The following MACROD2 variants were observed in gnomAD, a reference collection of about 807,000 sequenced individuals.
MACROD2 encodes the protein ADP-ribose glycohydrolase MACROD2.
Under a neutral mutation model 70.4 loss-of-function variants are expected in MACROD2, and 36 were observed. That is an observed-to-expected ratio of 0.51 (90% confidence interval 0.39 to 0.68). The LOEUF (loss-of-function observed/expected upper bound fraction) is 0.68. Ranked by LOEUF, MACROD2 falls within the 30% of genes least tolerant of loss-of-function variation. MACROD2 has a pLI of 0.00. For synonymous variants in MACROD2, 172 were observed against 178.8 expected, an observed-to-expected ratio of 0.96 and a Z score of 0.30; for missense variants, 496 against 538.4, an observed-to-expected ratio of 0.92 and a Z score of 0.78.
At chr20:15,698,707 T>C (rs1014311363) in intron 8 of MACROD2, among the ~76,000 whole-genome samples, 2 of 152,166 alleles carry the variant, frequency 1.3e-5, no homozygotes, top group African/African-American at 4.8e-5. Flanking sequence ...TCAGGAACAC[T>C]GATTATTCTT....
intron 3 of MACROD2, among the ~76,000 whole-genome samples, chr20:14,148,094 A>G (rs1000098718): frequency 3.9e-5 from 6 of 152,232 alleles, no homozygotes; most frequent in Admixed American, 6.5e-5. Flanking sequence ...ATTAGAATTA[A>G]GGTAATAGTA....
At chr20:14,539,916 G>A (rs899016764) in intron 4 of MACROD2, among the ~76,000 whole-genome samples, 5 of 152,146 alleles carry the variant, frequency 3.3e-5, no homozygotes, top group East Asian at 1.9e-4. Flanking sequence ...GCTGTGGCCC[G>A]TTCCTGGATG....
intron 5 of MACROD2, among the ~76,000 whole-genome samples, chr20:14,788,762 T>TG (rs1440687284): frequency 2.0e-5 from 2 of 100,644 alleles, no homozygotes; most frequent in African/African-American, 3.7e-5. Context: ...CTAGTGGTGG[T>TG]GTTTTTTTTT....
chr20:15,052,042 C>A (rs866580971), intron 5 of MACROD2, among the ~76,000 whole-genome samples: 1 of 152,154 alleles, frequency 6.6e-6, no homozygotes, highest in Non-Finnish European at 1.5e-5. Flanking sequence ...TAAGCCACTG[C>A]GCCCGGCCGG....
chr20:15,257,983 G>A (rs141312098), intron 6 of MACROD2, among the ~76,000 whole-genome samples: 1 of 151,760 alleles, frequency 6.6e-6, no homozygotes, highest in Non-Finnish European at 1.5e-5. Flanking sequence ...CCTGACTTCT[G>A]TGTAGGCCTA....
intron 6 of MACROD2, among the ~76,000 whole-genome samples, chr20:15,336,509 C>T (rs1272365831): frequency 6.6e-6 from 1 of 151,662 alleles, no homozygotes; most frequent in East Asian, 1.9e-4. Context: ...TGCACCCTCT[C>T]ATCTCTTTCT....
chr20:15,305,120 C>T (rs1363639543), intron 6 of MACROD2, among the ~76,000 whole-genome samples: 1 of 152,216 alleles, frequency 6.6e-6, no homozygotes, highest in African/African-American at 2.4e-5. Flanking sequence ...AATCACAGCA[C>T]TAACTCCATG....
intron 6 of MACROD2, among the ~76,000 whole-genome samples, chr20:15,276,018 C>A (rs1290933526): frequency 6.6e-6 from 1 of 152,140 alleles, no homozygotes; most frequent in Non-Finnish European, 1.5e-5. Flanking sequence ...GGTCATTAAT[C>A]AATACGGGAT....
chr20:15,303,230 A>G (rs1202009356), intron 6 of MACROD2, among the ~76,000 whole-genome samples: 1 of 152,160 alleles, frequency 6.6e-6, no homozygotes, highest in East Asian at 1.9e-4. Context: ...TAAAAGACCA[A>G]TTTGAACCTC....
At position 14,548,515 on chromosome 20, in the gene MACROD2, G is replaced by A. The variant is rs1177708108; in HGVS notation, c.301+55007G>A. Among the ~76,000 whole-genome samples the A allele has an allele frequency of 6.2e-4, 40 of 64,966 alleles. 18 individuals carry two copies. The East Asian group carries it at 0.061, about 99-fold the overall frequency. 42.6% of individuals were successfully genotyped at this position (64,966 alleles called of 152,430 possible). On this transcript the variant is annotated intron_variant, in intron 4 of 17. Coordinates refer to ENST00000684519, the MANE Select transcript of MACROD2 (RefSeq NM_001351661.2). Reference sequence around the variant, plus strand: ...GGGCGGATCACGAGGTCAGGAGATCGAGACCATCCCGGCTAAAACGGTGAA... The same window carrying A: ...GGGCGGATCACGAGGTCAGGAGATCAAGACCATCCCGGCTAAAACGGTGAA...
chr20:14,935,840 T>C (rs2074336013), intron 5 of MACROD2, among the ~76,000 whole-genome samples: 1 of 152,226 alleles, frequency 6.6e-6, no homozygotes, highest in South Asian at 2.1e-4. Flanking sequence ...ACTTTTGCAT[T>C]AATTTTACTA....
intron 2 of MACROD2, among the ~76,000 whole-genome samples, chr20:14,028,832 G>A (rs907191881): frequency 5.3e-5 from 8 of 152,128 alleles, no homozygotes; most frequent in African/African-American, 1.2e-4. Context: ...GCTGCAGACC[G>A]GAGCTGTTCC....
chr20:15,196,763 A>C (rs1300511875), intron 5 of MACROD2: 6 of 490,258 alleles, frequency 1.2e-5, no homozygotes, highest in African/African-American at 2.1e-5. Context: ...TATGTACTTG[A>C]AATCAGGAAG....
Position 14,078,753 on chromosome 20 carries a change from G to C in MACROD2, c.164-6868G>C, listed in dbSNP as rs571913560. 3.3e-5 allele frequency among the ~76,000 whole-genome samples: 5 copies of C among 152,222 alleles called. No individual in the cohort carries two copies. In the East Asian group the frequency reaches 9.6e-4, roughly 29 times the overall value. On this transcript the variant is annotated intron_variant, in intron 2 of 17. Coordinates refer to ENST00000684519, the MANE Select transcript of MACROD2 (RefSeq NM_001351661.2). The stretch of plus-strand genomic sequence containing the variant: ...GGACTGACCTTGAGATTTCCCATAG[G>C]TCCCCTGGAAAATGTCAAAGGATTT...
chr20:15,687,014 T>C (rs1471369469), intron 8 of MACROD2, among the ~76,000 whole-genome samples: 1 of 149,990 alleles, frequency 6.7e-6, no homozygotes, highest in Non-Finnish European at 1.5e-5. Flanking sequence ...TTTCTTTTTT[T>C]TTTGCATTTT....
At chr20:15,205,223 G>T (rs971792844) in intron 5 of MACROD2, among the ~76,000 whole-genome samples, 3 of 152,088 alleles carry the variant, frequency 2.0e-5, no homozygotes, top group Non-Finnish European at 4.4e-5. Context: ...CTAGACAGAA[G>T]ACTCCCATAG....
intron 15 of MACROD2, among the ~76,000 whole-genome samples, chr20:16,031,881 A>C (rs572855646): frequency 8.7e-4 from 133 of 152,246 alleles, no homozygotes; most frequent in Non-Finnish European, 1.6e-3. Context: ...AGAGGGTATG[A>C]AGTAGGGCAA....
chr20:14,586,078 C>G (rs888395578), intron 4 of MACROD2, among the ~76,000 whole-genome samples: 2 of 151,982 alleles, frequency 1.3e-5, no homozygotes, highest in African/African-American at 4.8e-5. Context: ...TGTTTTAATT[C>G]TTTACATTTT....
intron 5 of MACROD2, among the ~76,000 whole-genome samples, chr20:15,001,679 G>T (rs1281876013): frequency 6.6e-6 from 1 of 151,936 alleles, no homozygotes; most frequent in African/African-American, 2.4e-5. Context: ...TGATAATGAG[G>T]TCTAGAACAT....
Sources: gnomAD v4.1 joint callset for allele counts (sites outside exome capture counted in the v4.1 genomes callset) on GRCh38, gnomAD v4.1.1 for gene constraint, MANE v1.5 for transcripts, NCBI Gene and HGNC (gene_info 2026-07-23, HGNC 2026-07-21) for gene names.